The following DYM variants were observed in gnomAD, a reference collection of about 807,000 sequenced individuals.
DYM encodes dymeclin.
In DYM, 78 loss-of-function variants were observed where a neutral mutation model predicts 93.1. The observed-to-expected ratio is 0.84, with a 90% confidence interval of 0.70 to 1.01. The LOEUF is 1.01. Among genes scored for constraint, DYM ranks in the 50% least tolerant of loss-of-function variants. The probability of loss-of-function intolerance (pLI) is 0.00; values close to 1 mark genes in which losing one functional copy is unlikely to be tolerated. For synonymous variants in DYM, 321 were observed against 319.7 expected, an observed-to-expected ratio of 1.00 and a Z score of -0.04; for missense variants, 789 against 845.0, an observed-to-expected ratio of 0.93 and a Z score of 0.82.
chr18:49,171,744 A>T (rs532177254), intron 14 of DYM, among the ~76,000 whole-genome samples: 1 of 148,902 alleles, frequency 6.7e-6, no homozygotes, highest in South Asian at 2.2e-4. Flanking sequence ...CATACCACCG[A>T]TTCCACACCC....
At chr18:49,370,224 G>GCCGAGGTTGCAGTGAT (rs2147503619) in intron 5 of DYM, among the ~76,000 whole-genome samples, 1 of 149,612 alleles carries the variant, frequency 6.7e-6, no homozygotes, top group Non-Finnish European at 1.5e-5. Context: ...GTTGCAGTGA[G>GCCGAGGTTGCAGTGAT]CCAAGGTCGC....
chr18:49,194,829 G>T (rs1262464975), intron 14 of DYM, among the ~76,000 whole-genome samples: 2 of 151,978 alleles, frequency 1.3e-5, no homozygotes, highest in African/African-American at 4.8e-5. Context: ...AAGTTAAATG[G>T]TATTTTTAAT....
chr18:49,289,568 G>A (rs901076541), intron 8 of DYM, among the ~76,000 whole-genome samples: 25 of 149,032 alleles, frequency 1.7e-4, no homozygotes, highest in Admixed American at 1.2e-3. Context: ...AGAAATAGCC[G>A]GGCATGGTGG....
At chr18:49,363,347 C>G in intron 5 of DYM, 114 bp from the exon 6 acceptor site, 2 of 779,494 alleles carry the variant, frequency 2.6e-6, no homozygotes, top group East Asian at 5.4e-5. Context: ...ATTATATAAA[C>G]TCAGATATTA....
chr18:49,239,869 T>C (rs2093970856), intron 13 of DYM, among the ~76,000 whole-genome samples: 1 of 152,198 alleles, frequency 6.6e-6, no homozygotes, highest in African/African-American at 2.4e-5. Context: ...GGGTAGTTTG[T>C]TACACAGAAA....
At chr18:49,087,836 T>C (rs945222649) in intron 17 of DYM, among the ~76,000 whole-genome samples, 24 of 152,112 alleles carry the variant, frequency 1.6e-4, no homozygotes, top group Non-Finnish European at 2.5e-4. Flanking sequence ...TGGTATCTCA[T>C]TGTGGTTTTG....
chr18:49,067,586 CAGGCTG>C (rs941028751), intron 17 of DYM, among the ~76,000 whole-genome samples: 2 of 152,078 alleles, frequency 1.3e-5, no homozygotes, highest in Non-Finnish European at 2.9e-5. Flanking sequence ...GAAACAAGCA[CAGGCTG>C]AGGCTGGGAG....
At chr18:49,171,246 C>A (rs2088678871) in intron 14 of DYM, among the ~76,000 whole-genome samples, 1 of 152,118 alleles carries the variant, frequency 6.6e-6, no homozygotes. Context: ...GGGAACGCAT[C>A]ACAGAAAGGT....
At chr18:49,122,672 G>C (rs772161396) in intron 15 of DYM, among the ~76,000 whole-genome samples, 4 of 152,146 alleles carry the variant, frequency 2.6e-5, no homozygotes, top group Non-Finnish European at 5.9e-5. Context: ...TTATGCACTT[G>C]AATCATCCTG....
chr18:49,070,831 T>C (rs920331043), intron 17 of DYM, among the ~76,000 whole-genome samples: 2 of 152,218 alleles, frequency 1.3e-5, no homozygotes, highest in South Asian at 2.1e-4. Context: ...GTTGGAGATA[T>C]TTATTCAAAG....
chr18:49,220,570 G>C (rs1349340085), intron 13 of DYM, among the ~76,000 whole-genome samples: 1 of 151,410 alleles, frequency 6.6e-6, no homozygotes, highest in African/African-American at 2.4e-5. Context: ...TAGATCAATG[G>C]AACAGAACAG....
intron 2 of DYM, among the ~76,000 whole-genome samples, chr18:49,394,767 G>A (rs1599889609): frequency 6.6e-6 from 1 of 151,820 alleles, no homozygotes; most frequent in Non-Finnish European, 1.5e-5. Context: ...TTTATTGCTA[G>A]GTTTTTTTAA....
chr18:49,258,685 T>G (rs1218432582), intron 11 of DYM, among the ~76,000 whole-genome samples, 192 bp from the exon 12 acceptor site: 1 of 150,460 alleles, frequency 6.6e-6, no homozygotes, highest in Non-Finnish European at 1.5e-5. Context: ...CTGTGGAGAG[T>G]AGGCAGCTCT....
At chr18:49,297,465 G>A (rs1215789698) in intron 8 of DYM, among the ~76,000 whole-genome samples, 1 of 152,042 alleles carries the variant, frequency 6.6e-6, no homozygotes, top group Non-Finnish European at 1.5e-5. Flanking sequence ...CTGGAGTGCT[G>A]GAATTATTTC....
intron 2 of DYM, among the ~76,000 whole-genome samples, chr18:49,410,528 A>AT (rs1341971545): frequency 6.6e-6 from 1 of 151,522 alleles, no homozygotes; most frequent in Non-Finnish European, 1.5e-5. Flanking sequence ...AAAAAAAAAA[A>AT]GTCTTATTAT....
chr18:49,236,441 A>G (rs2032250), intron 13 of DYM, among the ~76,000 whole-genome samples: 9 of 151,514 alleles, frequency 5.9e-5, no homozygotes. Flanking sequence ...GATCGTGCCA[A>G]TGCACTCCAG....
At chr18:49,323,309 T>A (rs1323565043) in intron 8 of DYM, among the ~76,000 whole-genome samples, 3 of 152,270 alleles carry the variant, frequency 2.0e-5, no homozygotes, top group African/African-American at 7.2e-5. Context: ...AGATAATGAC[T>A]AGAGCTGAAA....
chr18:49,145,108 C>CACATATATATAT (rs74174741), intron 15 of DYM, among the ~76,000 whole-genome samples: 1 of 18,754 alleles, frequency 5.3e-5, no homozygotes, highest in South Asian at 2.4e-3. Flanking sequence ...CAAAAAAATT[C>CACATATATATAT]ATATATATAT....
chr18:49,086,395 C>T (rs1405617062), intron 17 of DYM, among the ~76,000 whole-genome samples: 1 of 152,138 alleles, frequency 6.6e-6, no homozygotes, highest in African/African-American at 2.4e-5. Flanking sequence ...ATCCATTAGC[C>T]GTTACTCCAT....
Sources: gnomAD v4.1 joint callset for allele counts (sites outside exome capture counted in the v4.1 genomes callset) on GRCh38, gnomAD v4.1.1 for gene constraint, MANE v1.5 for transcripts, NCBI Gene and HGNC (gene_info 2026-07-23, HGNC 2026-07-21) for gene names.